ZSCAN4: variants seen among roughly 807,000 people sequenced by gnomAD.
ZSCAN4 encodes zinc finger and SCAN domain-containing protein 4.
Under a neutral mutation model 18.3 loss-of-function variants are expected in ZSCAN4, and 18 were observed. The observed-to-expected ratio is 0.98, with a 90% CI of 0.68 to 1.46. The LOEUF is 1.46. ZSCAN4 is among the 40% of genes most tolerant of loss of function. The pLI, the probability that ZSCAN4 is intolerant of heterozygous loss-of-function variation, is 0.00. For synonymous variants in ZSCAN4, 193 were observed against 180.3 expected (o/e 1.07, Z -0.57); for missense variants, 498 against 511.4 (o/e 0.97, Z 0.25).
At chr19:57,653,390 G>GAAAAAAAAAAA in the ZSCAN4 span, among the ~76,000 whole-genome samples, 1 of 76,472 alleles carries the variant, frequency 1.3e-5, no homozygotes, top group East Asian at 3.7e-4. Flanking sequence ...CCATCTCAAA[G>GAAAAAAAAAAA]AAAAAAAAAA....
the ZSCAN4 span, among the ~76,000 whole-genome samples, chr19:57,663,693 G>C: frequency 8.6e-6 from 1 of 116,950 alleles, no homozygotes; most frequent in Non-Finnish European, 1.7e-5. Flanking sequence ...GGTGACAAGA[G>C]TGACAACCTG....
chr19:57,678,165 G>C lies in ZSCAN4; in HGVS notation c.563-1G>C, dbSNP rs1283029404. 1.9e-6 allele frequency: 3 copies of C among 1,612,188 alleles called. No homozygotes were observed. In the East Asian group the frequency reaches 6.7e-5, roughly 36 times the overall value. On this transcript the variant is annotated splice_acceptor_variant, in intron 4 of 4. Transcript: ENST00000318203. LOFTEE classifies it high-confidence loss of function. ...ACTTCATTGAGTGTCTATTTTCACA[G>C]GATATGAAGATGAACAAGATGGCTG... is the stretch of plus-strand genomic sequence containing the variant.
At chr19:57,671,378 G>A (rs1254021330) in intron 2 of ZSCAN4, among the ~76,000 whole-genome samples, 2 of 152,010 alleles carry the variant, frequency 1.3e-5, no homozygotes, top group Admixed American at 1.3e-4. Context: ...ATGTGGGACG[G>A]AGTGCATGTC....
At chr19:57,678,884 C>T (rs771075593) in exon 5 of ZSCAN4, 3 of 1,601,216 alleles carry the variant, frequency 1.9e-6, no homozygotes, top group Non-Finnish European at 1.7e-6. Flanking sequence ...CAAGTGTTCC[C>T]TCCACACCAG....
chr19:57,660,099 C>T, the ZSCAN4 span, among the ~76,000 whole-genome samples: 382 of 152,220 alleles, frequency 2.5e-3, 2 homozygotes, highest in African/African-American at 8.4e-3. Flanking sequence ...GTACAGATGC[C>T]GTCACTCCAT....
chr19:57,659,000 T>G, the ZSCAN4 span, among the ~76,000 whole-genome samples: 4 of 152,158 alleles, frequency 2.6e-5, no homozygotes, highest in African/African-American at 9.7e-5. Context: ...ATGGTCACTG[T>G]CTGCACATAT....
chr19:57,676,517 T>C (rs758752698), exon 3 of ZSCAN4: 12 of 1,613,858 alleles, frequency 7.4e-6, no homozygotes, highest in Non-Finnish European at 1.0e-5. Context: ...ACCTGACTGA[T>C]GACAGCATAA....
At chr19:57,655,819 C>A in the ZSCAN4 span, among the ~76,000 whole-genome samples, 1 of 151,990 alleles carries the variant, frequency 6.6e-6, no homozygotes, top group Non-Finnish European at 1.5e-5. Context: ...ATATCAGAGA[C>A]CCCCTTACAG....
the ZSCAN4 span, among the ~76,000 whole-genome samples, chr19:57,653,676 C>T: frequency 6.6e-6 from 1 of 152,156 alleles, no homozygotes; most frequent in Admixed American, 6.5e-5. Flanking sequence ...GGCTAAATAC[C>T]AGGTGCTGGC....
intron 2 of ZSCAN4, among the ~76,000 whole-genome samples, chr19:57,675,293 G>T (rs1159069261): frequency 1.3e-5 from 2 of 151,956 alleles, no homozygotes. Flanking sequence ...GACTACAGGT[G>T]CATGCCATCA....
chr19:57,673,366 G>A (rs1376201661), intron 2 of ZSCAN4, among the ~76,000 whole-genome samples: 1 of 152,104 alleles, frequency 6.6e-6, no homozygotes, highest in Non-Finnish European at 1.5e-5. Flanking sequence ...CATAGGCATA[G>A]TAGCTCACGC....
chr19:57,674,752 G>T (rs1984125168), intron 2 of ZSCAN4, among the ~76,000 whole-genome samples: 1 of 152,066 alleles, frequency 6.6e-6, no homozygotes, highest in Non-Finnish European at 1.5e-5. Flanking sequence ...TTCCATAGAG[G>T]TTAACTGATT....
chr19:57,671,496 GA>G lies in ZSCAN4; in HGVS notation c.-106+944del, dbSNP rs35157527. Reference sequence around the variant, plus strand: ...GAAGGGGAAGCCATGGGTTCCACAGGAAAAAAAAAAAAAAAGAGAGAGAGAG... The same window carrying G: ...GAAGGGGAAGCCATGGGTTCCACAGGAAAAAAAAAAAAAAGAGAGAGAGAG... On this transcript the variant is annotated intron_variant, in intron 2 of 4. Coordinates refer to ENST00000318203, the Ensembl canonical transcript of ZSCAN4. Among the ~76,000 whole-genome samples the G allele has an allele frequency of 5.0e-3, 671 of 134,566 alleles. 2 individuals are homozygous for G. Among genetic ancestry groups the G allele is most frequent in the Non-Finnish European group, 7.5e-3 (475 of 63,364 alleles). 88.3% of individuals were successfully genotyped at this position (134,566 alleles called of 152,430 possible).
rs1984195555 is a variant in ZSCAN4, at chr19:57,676,527, AAT to A, written c.383_384del (p.Asn128ThrfsTer18). 10 of 1,613,242 alleles carry A rather than the reference AAT, an allele frequency of 6.2e-6. No homozygotes were observed. Among genetic ancestry groups the A allele is most frequent in the Non-Finnish European group, 8.5e-6 (10 of 1,179,630 alleles). On this transcript the variant is annotated frameshift_variant, in exon 3 of 5. Transcript: ENST00000318203. LOFTEE classifies it high-confidence loss of function. ...AGAAGACCTGACTGATGACAGCATA[AAT>A]CCACCTGCCTTAGTGAGTACAGGGT...
chr19:57,674,041 A>G (rs1354089012), intron 2 of ZSCAN4, among the ~76,000 whole-genome samples: 1 of 152,234 alleles, frequency 6.6e-6, no homozygotes, highest in Non-Finnish European at 1.5e-5. Flanking sequence ...GGTGTGAGCC[A>G]CAGTGAAAAG....
the ZSCAN4 span, among the ~76,000 whole-genome samples, chr19:57,651,511 C>A: frequency 6.6e-6 from 1 of 152,162 alleles, no homozygotes; most frequent in African/African-American, 2.4e-5. Flanking sequence ...CCGCCTAGAC[C>A]TATAATTACC....
chr19:57,676,243 T>C (rs1320024976), exon 3 of ZSCAN4: 2 of 1,614,020 alleles, frequency 1.2e-6, no homozygotes, highest in Non-Finnish European at 1.7e-6. Flanking sequence ...GGACCTGCTG[T>C]TCAGAGAGAA....
At chr19:57,678,282 G>T (rs200305142) in exon 5 of ZSCAN4, 3 of 1,614,118 alleles carry the variant, frequency 1.9e-6, no homozygotes, top group Non-Finnish European at 2.5e-6. Context: ...GGAAGAGAAC[G>T]GTCCTAGGCC....
At chr19:57,678,751 T>A in exon 5 of ZSCAN4, 1 of 1,614,054 alleles carries the variant, frequency 6.2e-7, no homozygotes, top group Non-Finnish European at 8.5e-7. Context: ...AAAACCAACC[T>A]GCGGTCTCAT....
Sources: allele counts gnomAD v4.1 joint callset (sites outside exome capture counted in the v4.1 genomes callset), GRCh38; gene constraint gnomAD v4.1.1; transcripts MANE v1.5; gene names NCBI Gene and HGNC (gene_info 2026-07-23, HGNC 2026-07-21).